OLA1: variants seen among roughly 807,000 people sequenced by gnomAD.
The protein encoded by OLA1 is Obg like ATPase 1.
In OLA1, 14 loss-of-function variants were observed where a neutral mutation model predicts 48.4. The observed-to-expected ratio is 0.29, with a 90% CI of 0.19 to 0.45. The LOEUF (loss-of-function observed/expected upper bound fraction) is 0.45. Among genes scored for constraint, OLA1 ranks in the 20% least tolerant of loss-of-function variants. The probability of loss-of-function intolerance (pLI) is 1.00; values close to 1 mark genes in which losing one functional copy is unlikely to be tolerated. For synonymous variants in OLA1, 127 were observed against 150.4 expected (o/e 0.84, Z 1.14); for missense variants, 325 against 467.1 (o/e 0.70, Z 2.80).
chr2:174,232,545 G>C (rs1688752780), intron 2 of OLA1, among the ~76,000 whole-genome samples: 1 of 152,120 alleles, frequency 6.6e-6, no homozygotes, highest in Non-Finnish European at 1.5e-5. Flanking sequence ...ATCACACCTA[G>C]AGAAATGTCT....
intron 4 of OLA1, among the ~76,000 whole-genome samples, chr2:174,203,417 C>T (rs1391143892): frequency 6.6e-6 from 1 of 151,846 alleles, no homozygotes. Context: ...AAACCATCAC[C>T]CTAACAAATT....
intron 4 of OLA1, among the ~76,000 whole-genome samples, chr2:174,221,023 A>G (rs1042063162): frequency 2.0e-4 from 31 of 152,130 alleles, no homozygotes; most frequent in Admixed American, 1.3e-4. Flanking sequence ...CTATAAATCT[A>G]AGGATTTTTT....
intron 4 of OLA1, among the ~76,000 whole-genome samples, chr2:174,180,416 A>G (rs907020578): frequency 6.6e-6 from 1 of 152,156 alleles, no homozygotes; most frequent in Non-Finnish European, 1.5e-5. Flanking sequence ...TCTGAGTACA[A>G]ATTTGTTGTA....
chr2:174,138,805 A>T (rs1269872359), intron 5 of OLA1, among the ~76,000 whole-genome samples: 3 of 152,250 alleles, frequency 2.0e-5, no homozygotes, highest in African/African-American at 7.2e-5. Context: ...TGCCTTAAGA[A>T]TATAATAAGA....
At chr2:174,245,906 G>C (rs1050467592) in intron 2 of OLA1, among the ~76,000 whole-genome samples, 1 of 151,448 alleles carries the variant, frequency 6.6e-6, no homozygotes, top group East Asian at 1.9e-4. Context: ...AAAAAAAGAA[G>C]ACTTTGAACA....
chr2:174,085,244 C>T (rs1684942825), intron 7 of OLA1, among the ~76,000 whole-genome samples: 1 of 152,216 alleles, frequency 6.6e-6, no homozygotes, highest in Non-Finnish European at 1.5e-5. Flanking sequence ...TAGGAGTCCT[C>T]AACCCCTGGA....
At chr2:174,124,537 T>G (rs1686003107) in intron 5 of OLA1, among the ~76,000 whole-genome samples, 1 of 152,194 alleles carries the variant, frequency 6.6e-6, no homozygotes, top group Admixed American at 6.6e-5. Flanking sequence ...ATCTAAAAGC[T>G]GCGTGTGGCA....
intron 8 of OLA1, among the ~76,000 whole-genome samples, 155 bp from the exon 9 acceptor site, chr2:174,081,403 A>C (rs1684850433): frequency 6.6e-6 from 1 of 152,114 alleles, no homozygotes; most frequent in Admixed American, 6.6e-5. Flanking sequence ...TCAGAAAGCA[A>C]GTAACTGTTT....
Position 174,093,324 on chromosome 2 carries a change from C to T in OLA1, c.729-11260G>A, listed in dbSNP as rs945672636. 4.6e-5 allele frequency among the ~76,000 whole-genome samples: 7 copies of T among 151,838 alleles called. No individual in the cohort carries two copies. The East Asian group carries it at 1.2e-3, about 25-fold the overall frequency. On this transcript the variant is annotated intron_variant, in intron 7 of 10. Transcript: ENST00000284719. ...TAAAATAAAATAATAAAAAAATTAG[C>T]CAGGCATGGTGGTGAGCACCTATAG...
At chr2:174,229,679 T>C (rs1188735436) in intron 2 of OLA1, among the ~76,000 whole-genome samples, 1 of 152,246 alleles carries the variant, frequency 6.6e-6, no homozygotes, top group African/African-American at 2.4e-5. Flanking sequence ...TCACAGTCTA[T>C]TTGAAACTTG....
chr2:174,127,799 A>G (rs1027293740), intron 5 of OLA1, among the ~76,000 whole-genome samples: 39 of 152,236 alleles, frequency 2.6e-4, no homozygotes, highest in African/African-American at 9.4e-4. Flanking sequence ...CACTGACCCA[A>G]AACATGCTTT....
At chr2:174,076,621 AGCATATTTTCAATT>A (rs1356301507) in intron 10 of OLA1, among the ~76,000 whole-genome samples, 1 of 152,134 alleles carries the variant, frequency 6.6e-6, no homozygotes, top group Non-Finnish European at 1.5e-5. Context: ...AGCCCTAGTA[AGCATATTTTCAATT>A]ATCTAGACCA....
chr2:174,143,764 T>C (rs1396677798), intron 4 of OLA1, among the ~76,000 whole-genome samples: 1 of 151,936 alleles, frequency 6.6e-6, no homozygotes, highest in Non-Finnish European at 1.5e-5. Context: ...AAAAAGAGAA[T>C]AAAGGAGGAA....
intron 4 of OLA1, among the ~76,000 whole-genome samples, chr2:174,152,837 T>C (rs1186970747): frequency 6.6e-6 from 1 of 152,200 alleles, no homozygotes; most frequent in Non-Finnish European, 1.5e-5. Flanking sequence ...GAAAAGTCTA[T>C]TAAAATAGAT....
chr2:174,082,168 T>C, intron 7 of OLA1, 104 bp from the exon 8 acceptor site: 1 of 1,252,104 alleles, frequency 8.0e-7, no homozygotes, highest in Non-Finnish European at 1.1e-6. Context: ...ATTGCACGGT[T>C]TTATGATGCC....
intron 4 of OLA1, among the ~76,000 whole-genome samples, chr2:174,218,535 C>T (rs955844525): frequency 4.6e-5 from 7 of 152,168 alleles, no homozygotes; most frequent in African/African-American, 1.7e-4. Context: ...TCCATAGTTA[C>T]GAGTTAGCAT....
intron 4 of OLA1, among the ~76,000 whole-genome samples, chr2:174,142,773 C>A (rs923093526): frequency 1.3e-5 from 2 of 152,148 alleles, no homozygotes; most frequent in Admixed American, 1.3e-4. Flanking sequence ...CAACATAATT[C>A]AACTGGGATT....
At chr2:174,180,735 C>A (rs1194789125) in intron 4 of OLA1, among the ~76,000 whole-genome samples, 1 of 152,134 alleles carries the variant, frequency 6.6e-6, no homozygotes, top group African/African-American at 2.4e-5. Flanking sequence ...GGAAATACTG[C>A]ATATATCATT....
At chr2:174,204,811 G>A (rs1052029480) in intron 4 of OLA1, among the ~76,000 whole-genome samples, 4 of 152,016 alleles carry the variant, frequency 2.6e-5, no homozygotes, top group South Asian at 2.1e-4. Flanking sequence ...TCTTGATTCC[G>A]CCACTTAGCA....
Sources: allele counts gnomAD v4.1 joint callset (sites outside exome capture counted in the v4.1 genomes callset), GRCh38; gene constraint gnomAD v4.1.1; transcripts MANE v1.5; gene names NCBI Gene and HGNC (gene_info 2026-07-23, HGNC 2026-07-21).